Variants in BFSP1 observed in about 807,000 individuals in gnomAD.
BFSP1 encodes beaded filament structural protein 1.
Under a neutral mutation model 43.9 loss-of-function variants are expected in BFSP1, and 38 were observed. That is an observed-to-expected ratio of 0.87 (90% CI 0.67 to 1.14). The LOEUF (loss-of-function observed/expected upper bound fraction) is 1.14. Ranked by LOEUF, BFSP1 falls within the 50% of genes most tolerant of loss-of-function variation. The pLI, the probability that BFSP1 is intolerant of heterozygous loss-of-function variation, is 0.00. For synonymous variants in BFSP1, 352 were observed against 354.8 expected, an observed-to-expected ratio of 0.99 and a Z score of 0.09; for missense variants, 850 against 875.1, an observed-to-expected ratio of 0.97 and a Z score of 0.36.
intron 2 of BFSP1, among the ~76,000 whole-genome samples, chr20:17,516,137 T>C (rs1326529218): frequency 6.6e-6 from 1 of 152,182 alleles, no homozygotes; most frequent in Non-Finnish European, 1.5e-5. Flanking sequence ...GAGACCAGCC[T>C]GACCAACATG....
Position 17,530,969 on chromosome 20 carries a change from C to G in BFSP1, c.361G>C (p.Asp121His). 1 of 1,438,142 alleles carries G rather than the reference C, an allele frequency of 7.0e-7. No individual in the cohort carries two copies. Among genetic ancestry groups the G allele is most frequent in the Non-Finnish European group, 9.1e-7 (1 of 1,099,472 alleles). The allele number at this position is 1,438,142 out of a possible 1,614,324, so 89.1% of individuals were successfully genotyped here. Reference sequence around the variant, plus strand: ...GCCGCTTACTTGCTTCGGAACTCGTCGAGCGCGCGCTGCGCCTCGGTGCCC... The same window carrying G: ...GCCGCTTACTTGCTTCGGAACTCGTGGAGCGCGCGCTGCGCCTCGGTGCCC... ...RQGTEAQRAL[D>H]EFRSKYENEC... The change falls in exon 1 of 8, where the codon GAC (aspartate) becomes CAC (histidine). Residue 121 changes from aspartate (D) to histidine (H), a missense_variant. Transcript: ENST00000377873.
intron 1 of BFSP1, among the ~76,000 whole-genome samples, chr20:17,548,152 G>C (rs114041031): frequency 9.3e-6 from 1 of 107,288 alleles, no homozygotes; most frequent in Non-Finnish European, 1.8e-5. Context: ...AAGAATTTAA[G>C]ATCTAGTCCA....
chr20:17,509,067 C>G, intron 4 of BFSP1, 71 bp from the exon 5 acceptor site: 1 of 1,162,270 alleles, frequency 8.6e-7, no homozygotes, highest in Non-Finnish European at 1.2e-6. Flanking sequence ...GGTGCGGGGC[C>G]CTGGTATGGA....
upstream of BFSP1, among the ~76,000 whole-genome samples, chr20:17,561,182 A>G (rs560501261): frequency 6.6e-6 from 1 of 152,308 alleles, no homozygotes; most frequent in East Asian, 1.9e-4. Flanking sequence ...AAGTACAACA[A>G]CCGGATCAGA....
chr20:17,520,210 G>GGGGGGGGGGGGC, intron 2 of BFSP1, among the ~76,000 whole-genome samples: 1 of 133,424 alleles, frequency 7.5e-6, no homozygotes, highest in Admixed American at 7.9e-5. Flanking sequence ...GTTTTAACGT[G>GGGGGGGGGGGGC]CCCCCCCACC....
chr20:17,495,925 A>G (rs182699582), intron 7 of BFSP1, among the ~76,000 whole-genome samples: 94 of 152,318 alleles, frequency 6.2e-4, no homozygotes, highest in African/African-American at 1.5e-3. Flanking sequence ...TGAGCCGGCA[A>G]CAGCAGACAT....
intron 2 of BFSP1, among the ~76,000 whole-genome samples, chr20:17,521,351 T>G (rs536084895): frequency 6.6e-6 from 1 of 152,262 alleles, no homozygotes; most frequent in South Asian, 2.1e-4. Context: ...CATGAAGAAA[T>G]GCATGGTGGT....
In BFSP1 at chr20:17,497,512, GTATA is replaced by G. The variant is rs1555800589; in HGVS notation, c.957-493_957-490del. Among the ~76,000 whole-genome samples the G allele has an allele frequency of 3.2e-3, 441 of 139,378 alleles. 7 individuals carry two copies. Among genetic ancestry groups the G allele is most frequent in the African/African-American group, 0.01 (377 of 36,974 alleles). 91.4% of individuals were successfully genotyped at this position (139,378 alleles called of 152,430 possible). Reference sequence around the variant, plus strand: ...TATATATATATACACGTATATATACGTATATATATACACACACGTATGTATATAT... The same window carrying G: ...TATATATATATACACGTATATATACGTATATACACACACGTATGTATATAT... On this transcript the variant is annotated intron_variant, in intron 6 of 7. Coordinates refer to ENST00000377873, the MANE Select transcript of BFSP1 (RefSeq NM_001195.5).
intron 1 of BFSP1, among the ~76,000 whole-genome samples, chr20:17,558,159 CT>C (rs5840776): frequency 1.3e-5 from 2 of 149,160 alleles, no homozygotes; most frequent in African/African-American, 2.5e-5. Flanking sequence ...ATTTATTTTC[CT>C]TTTTTTTTTT....
intron 1 of BFSP1, among the ~76,000 whole-genome samples, chr20:17,539,880 C>T (rs1430275887): frequency 6.6e-6 from 1 of 152,188 alleles, no homozygotes; most frequent in African/African-American, 2.4e-5. Context: ...CACAAGAGAA[C>T]ATGTTCTATC....
chr20:17,525,796 G>A lies in BFSP1; in HGVS notation c.378-888C>T, dbSNP rs2034406852. Among the ~76,000 whole-genome samples the A allele has an allele frequency of 6.6e-6, 1 of 152,156 alleles. No individual in the cohort carries two copies. The highest frequency in any genetic ancestry group is 2.4e-5 in the African/African-American group (1 of 41,428). On this transcript the variant is annotated intron_variant, in intron 1 of 7. Coordinates refer to ENST00000377873, the MANE Select transcript of BFSP1 (RefSeq NM_001195.5). The surrounding 1 kb of genome is among the most constrained non-coding windows in gnomAD (Gnocchi z 4.2). ...GGCAAGCACAGGACTGCCTAGAAGG[G>A]AGACTACATTTTCCAGCATTCCTTG...
chr20:17,529,954 CT>C (rs537524225), intron 1 of BFSP1, among the ~76,000 whole-genome samples: 2 of 152,220 alleles, frequency 1.3e-5, no homozygotes, highest in African/African-American at 2.4e-5. Context: ...CAAATTGCAT[CT>C]TTTTTTTAAC....
chr20:17,499,128 G>T, intron 5 of BFSP1, 88 bp from the exon 6 acceptor site: 2 of 1,151,886 alleles, frequency 1.7e-6, no homozygotes, highest in Non-Finnish European at 2.6e-6. Context: ...TGGACTCGGT[G>T]AATGTTTTAT....
intron 2 of BFSP1, among the ~76,000 whole-genome samples, chr20:17,516,068 C>A (rs188674964): frequency 2.6e-4 from 39 of 152,280 alleles, no homozygotes; most frequent in Non-Finnish European, 5.0e-4. Flanking sequence ...GTGGCTCACA[C>A]CTGTAGTCCC....
chr20:17,494,817 C>T lies in BFSP1; in HGVS notation c.1255G>A (p.Val419Ile). ...ESKFESESKEVSPLTQEGAPE... is the reference protein window; with the variant it reads ...ESKFESESKEISPLTQEGAPE... ...GCCCCTTCTTGTGTCAGGGGACTTACTTCTTTACTTTCTGATTCAAACTTA... is the reference window on the plus strand; with the variant it reads ...GCCCCTTCTTGTGTCAGGGGACTTATTTCTTTACTTTCTGATTCAAACTTA... Residue 419 changes from valine to isoleucine, a missense_variant, in exon 8 of 8, where the codon GTA becomes ATA. Transcript: ENST00000377873. The T allele has an allele frequency of 6.2e-7, 1 of 1,614,210 alleles. No homozygotes were observed. The highest frequency in any genetic ancestry group is 8.5e-7 in the Non-Finnish European group (1 of 1,180,038).
intron 1 of BFSP1, among the ~76,000 whole-genome samples, chr20:17,538,317 A>G (rs2034663450): frequency 6.6e-6 from 1 of 152,208 alleles, no homozygotes; most frequent in Non-Finnish European, 1.5e-5. Flanking sequence ...ATATATAAAT[A>G]AATACATAAA....
intron 1 of BFSP1, among the ~76,000 whole-genome samples, chr20:17,548,080 A>G (rs1048760966): frequency 2.6e-4 from 39 of 151,140 alleles, no homozygotes; most frequent in African/African-American, 9.2e-4. Context: ...ACGGGGGAAA[A>G]ACAAATATTA....
At chr20:17,505,559 C>G (rs1280815527) in intron 5 of BFSP1, among the ~76,000 whole-genome samples, 3 of 152,248 alleles carry the variant, frequency 2.0e-5, no homozygotes, top group African/African-American at 7.2e-5. Context: ...CGGGCCCTGC[C>G]CGGCGGTGTG....
intron 4 of BFSP1, among the ~76,000 whole-genome samples, chr20:17,511,605 G>A (rs983405711): frequency 6.6e-6 from 1 of 152,186 alleles, no homozygotes; most frequent in African/African-American, 2.4e-5. Flanking sequence ...CATACCAAGT[G>A]CTGGCAAGGA....
Sources: gnomAD v4.1 joint callset for allele counts (sites outside exome capture counted in the v4.1 genomes callset) on GRCh38, gnomAD v4.1.1 for gene constraint, Gnocchi (gnomAD v3.1) non-coding constraint, MANE v1.5 for transcripts, NCBI Gene and HGNC (gene_info 2026-07-23, HGNC 2026-07-21) for gene names.